The following GNB5 variants were observed in gnomAD, a reference collection of about 807,000 sequenced individuals.
GNB5 encodes guanine nucleotide-binding protein subunit beta-5.
In GNB5, 37 loss-of-function variants were observed where a neutral mutation model predicts 55.3. The ratio of observed to expected loss-of-function variants is 0.67; its 90% confidence interval spans 0.51 to 0.88. The LOEUF is 0.88. Ranked by LOEUF, GNB5 falls within the 40% of genes least tolerant of loss-of-function variation. GNB5 has a pLI of 0.00. For synonymous variants in GNB5, 219 were observed against 198.5 expected, an observed-to-expected ratio of 1.10 and a Z score of -0.87; for missense variants, 476 against 515.3, an observed-to-expected ratio of 0.92 and a Z score of 0.74.
rs375327974 is a variant in GNB5, at chr15:52,133,487, C to A, written c.772-18G>T. On this transcript the variant is annotated intron_variant, in intron 8 of 12. Coordinates refer to ENST00000261837, the MANE Select transcript of GNB5 (RefSeq NM_016194.4). ...TCACATCCCTACAAATGAAAATTAG[C>A]CAGAGTTATGGCCACTTTAAGGAAT... The A allele has an allele frequency of 6.5e-7, 1 of 1,541,796 alleles. No homozygotes were observed. Among genetic ancestry groups the A allele is most frequent in the African/African-American group, 1.4e-5 (1 of 73,628 alleles).
At chr15:52,142,865 G>A (rs1189239263) in intron 6 of GNB5, among the ~76,000 whole-genome samples, 2 of 150,350 alleles carry the variant, frequency 1.3e-5, no homozygotes, top group African/African-American at 2.5e-5. Flanking sequence ...TATACAATGT[G>A]CGGAGGAGGC....
intron 4 of GNB5, among the ~76,000 whole-genome samples, chr15:52,153,553 T>C (rs999502233): frequency 7.2e-5 from 11 of 152,254 alleles, no homozygotes; most frequent in South Asian, 2.1e-4. Flanking sequence ...AAGATCTGTA[T>C]CTTAACATTG....
At chr15:52,159,144 C>A (rs974971159) in intron 3 of GNB5, among the ~76,000 whole-genome samples, 1 of 152,124 alleles carries the variant, frequency 6.6e-6, no homozygotes, top group Non-Finnish European at 1.5e-5. Flanking sequence ...GAATAAACAA[C>A]CTGATTGCAG....
intron 3 of GNB5, among the ~76,000 whole-genome samples, chr15:52,170,262 C>T (rs917406114): frequency 6.6e-6 from 1 of 152,004 alleles, no homozygotes; most frequent in South Asian, 2.1e-4. Flanking sequence ...GATACATGCA[C>T]GAATGTTCAT....
Position 52,117,102 on chromosome 15 carries a change from A to ATATATATTTTTTTTTTTTTTTTTTT in GNB5, c.*5654_*5655insAAAAAAAAAAAAAAAAAAATATATA. On this transcript the variant is annotated 3_prime_UTR_variant, in exon 13 of 13. Transcript: ENST00000261837. The stretch of plus-strand genomic sequence containing the variant: ...CCACGCCCAGCTAATATATATATAT[A>ATATATATTTTTTTTTTTTTTTTTTT]TTTTTTTTTAGTACAGACAGGGTTT... The ATATATATTTTTTTTTTTTTTTTTTT allele has an allele frequency of 3.4e-5, 3 of 87,102 alleles. No individual in the cohort carries two copies. Among genetic ancestry groups the ATATATATTTTTTTTTTTTTTTTTTT allele is most frequent in the African/African-American group, 1.8e-4 (3 of 16,420 alleles). The allele number at this position is 87,102 out of a possible 1,614,324, so 5.4% of individuals were successfully genotyped here. A position where few individuals can be genotyped will look rare whatever the true frequency, so the allele number is the denominator to read the frequency against.
At chr15:52,134,607 C>G (rs994138966) in intron 8 of GNB5, among the ~76,000 whole-genome samples, 2 of 152,058 alleles carry the variant, frequency 1.3e-5, no homozygotes, top group Admixed American at 6.5e-5. Context: ...AGGGTTGAAA[C>G]ATCTACACAT....
At chr15:52,185,131 C>T (rs1281633934) in intron 1 of GNB5, among the ~76,000 whole-genome samples, 1 of 152,234 alleles carries the variant, frequency 6.6e-6, no homozygotes, top group African/African-American at 2.4e-5. Flanking sequence ...AGCCAGGGGC[C>T]TGAGTAAGTG....
At chr15:52,159,397 A>G (rs7178057) in intron 3 of GNB5, among the ~76,000 whole-genome samples, 5 of 152,242 alleles carry the variant, frequency 3.3e-5, no homozygotes, top group African/African-American at 1.2e-4. Flanking sequence ...CATCTGCCGC[A>G]CCACGCTTCT....
rs114299417 is a variant in GNB5 at position 52,150,342 on chromosome 15, C to T, written c.376-417G>A. Among the ~76,000 whole-genome samples, 1,335 of 152,276 alleles carry T rather than the reference C, an allele frequency of 8.8e-3. 21 individuals are homozygous for T. Among genetic ancestry groups the T allele is most frequent in the African/African-American group, 0.031 (1,289 of 41,524 alleles). On this transcript the variant is annotated intron_variant, in intron 4 of 12. Coordinates refer to ENST00000261837, the MANE Select transcript of GNB5 (RefSeq NM_016194.4). ...GTAAATAATAAATCTTTTTCTCCCA[C>T]AACATCTCCACTGCTTTGTCCTTTC...
At chr15:52,127,917 A>T (rs773863436) in intron 10 of GNB5, among the ~76,000 whole-genome samples, 3 of 152,124 alleles carry the variant, frequency 2.0e-5, no homozygotes, top group Non-Finnish European at 4.4e-5. Flanking sequence ...AATATAATGG[A>T]GAGAAATATT....
chr15:52,188,443 A>AT (rs1248671153), intron 1 of GNB5, among the ~76,000 whole-genome samples: 2 of 152,210 alleles, frequency 1.3e-5, no homozygotes, highest in African/African-American at 4.8e-5. Flanking sequence ...GCAAGAATAG[A>AT]TTTGAGACCA....
intron 7 of GNB5, chr15:52,139,905 G>A (rs1214895340): frequency 1.6e-6 from 2 of 1,286,624 alleles, no homozygotes; most frequent in African/African-American, 1.5e-5. Context: ...ATGCCTGATG[G>A]TCGTGGTAGC....
chr15:52,140,034 C>T, intron 7 of GNB5: 1 of 1,059,024 alleles, frequency 9.4e-7, no homozygotes, highest in Non-Finnish European at 1.2e-6. Context: ...CCCTGGTGAA[C>T]AAGTCTGCAA....
chr15:52,123,329 C>T (rs1054345951), intron 12 of GNB5, among the ~76,000 whole-genome samples: 2 of 152,050 alleles, frequency 1.3e-5, no homozygotes, highest in Non-Finnish European at 2.9e-5. Flanking sequence ...AACCCTCCCC[C>T]ACCCCTGCAT....
chr15:52,116,918 C>CT lies in GNB5; in HGVS notation c.*5838dup, dbSNP rs539405526. The CT allele has an allele frequency of 7.8e-4, 112 of 144,188 alleles. No individual in the cohort carries two copies. The highest frequency in any genetic ancestry group is 1.1e-3 in the South Asian group (5 of 4,490). 8.9% of individuals were successfully genotyped at this position (144,188 alleles called of 1,614,324 possible). A position where few individuals can be genotyped will look rare whatever the true frequency, so the allele number is the denominator to read the frequency against. On this transcript the variant is annotated 3_prime_UTR_variant, in exon 13 of 13. Transcript: ENST00000261837. ...TTTTCCTTTAAAAACCTTTGTTTTT[C>CT]TTTTTTTTTTTCTTTGTTTTTTTGA...
rs1355756608 is a variant in GNB5 at position 52,141,198 on chromosome 15, G to C, written c.569C>G (p.Ser190Cys). The stretch of plus-strand genomic sequence containing the variant: ...CAGGTAGTTGGTGTGCATAGCAACA[G>C]ACTTCTTTTTGGCAGCCATGTTTTC... ...KNENMAAKKK[S>C]VAMHTNYLSA... Residue 190 changes from serine (S) to cysteine (C), a missense_variant, in exon 7 of 13, where the codon TCT becomes TGT. Transcript: ENST00000261837. The C allele has an allele frequency of 6.2e-7, 1 of 1,613,894 alleles. No individual in the cohort carries two copies. The highest frequency in any genetic ancestry group is 8.5e-7 in the Non-Finnish European group (1 of 1,179,882).
chr15:52,128,160 T>A (rs1391130070), intron 10 of GNB5, 36 bp downstream of exon 10: 1 of 1,445,966 alleles, frequency 6.9e-7, no homozygotes, highest in East Asian at 2.3e-5. Context: ...ATCCCTCTAT[T>A]GACTAGGAAA....
chr15:52,128,430 G>A (rs2033483480), intron 9 of GNB5, 186 bp from the exon 10 acceptor site: 3 of 621,430 alleles, frequency 4.8e-6, no homozygotes, highest in Admixed American at 5.4e-5. Flanking sequence ...CTGTTAGTGG[G>A]GGACAGTGAC....
chr15:52,136,112 A>AC (rs1464811985), intron 7 of GNB5, among the ~76,000 whole-genome samples: 2 of 102,448 alleles, frequency 2.0e-5, no homozygotes, highest in Non-Finnish European at 3.8e-5. Context: ...GAAAAGCAGA[A>AC]AACACACACA....
Sources: gnomAD v4.1 joint callset for allele counts (sites outside exome capture counted in the v4.1 genomes callset) on GRCh38, gnomAD v4.1.1 for gene constraint, MANE v1.5 for transcripts, NCBI Gene and HGNC (gene_info 2026-07-23, HGNC 2026-07-21) for gene names.